Variants in SMIM41 observed in about 807,000 individuals in gnomAD.
The protein encoded by SMIM41 is small integral membrane protein 41.
intron 2 of SMIM41, among the ~76,000 whole-genome samples, chr12:52,100,335 A>G (rs1433590017): frequency 1.3e-5 from 2 of 152,122 alleles, no homozygotes; most frequent in African/African-American, 4.8e-5. Flanking sequence ...TAGACACAAT[A>G]TCACAAAAAG....
intron 2 of SMIM41, among the ~76,000 whole-genome samples, chr12:52,105,114 C>G (rs1411776003): frequency 6.6e-6 from 1 of 152,248 alleles, no homozygotes; most frequent in African/African-American, 2.4e-5. Context: ...TGCATCCAAC[C>G]TGCCCTCTCA....
intron 1 of SMIM41, among the ~76,000 whole-genome samples, chr12:52,080,693 C>T (rs1420328009): frequency 6.6e-6 from 1 of 152,184 alleles, no homozygotes; most frequent in Non-Finnish European, 1.5e-5. Flanking sequence ...CAGCCTTTGG[C>T]CTCAGCTTCC....
chr12:52,093,515 G>C (rs951340745), intron 2 of SMIM41: 11 of 152,132 alleles, frequency 7.2e-5, no homozygotes, highest in Admixed American at 5.9e-4. Flanking sequence ...CAGAGACTGG[G>C]GTCAGTAGGC....
chr12:52,095,560 T>C (rs1229407822), intron 2 of SMIM41, among the ~76,000 whole-genome samples: 1 of 152,094 alleles, frequency 6.6e-6, no homozygotes, highest in Non-Finnish European at 1.5e-5. Flanking sequence ...CCAGCGGCAT[T>C]GGGTGTTGTA....
intron 2 of SMIM41, among the ~76,000 whole-genome samples, chr12:52,097,383 G>T (rs1254847327): frequency 6.6e-6 from 1 of 151,946 alleles, no homozygotes; most frequent in Non-Finnish European, 1.5e-5. Flanking sequence ...CATTGCAGGG[G>T]GGTGGACACC....
intron 2 of SMIM41, among the ~76,000 whole-genome samples, chr12:52,098,789 C>T (rs1223106340): frequency 1.3e-5 from 2 of 151,430 alleles, no homozygotes; most frequent in Admixed American, 6.6e-5. Flanking sequence ...TCCTCTCTTC[C>T]CTTGGATATT....
intron 2 of SMIM41, among the ~76,000 whole-genome samples, 174 bp downstream of exon 2, chr12:52,084,142 G>A (rs1463036046): frequency 2.6e-5 from 4 of 152,102 alleles, no homozygotes; most frequent in African/African-American, 4.8e-5. Flanking sequence ...TTGGGAGGCC[G>A]AGGCAGGTGG....
chr12:52,098,921 A>C (rs1565670093), intron 2 of SMIM41, among the ~76,000 whole-genome samples: 1 of 151,650 alleles, frequency 6.6e-6, no homozygotes, highest in African/African-American at 2.4e-5. Context: ...TGCGATATTG[A>C]GAGTCATATC....
In SMIM41 at chr12:52,079,860, G is replaced by T; in HGVS notation, c.81G>T (p.Glu27Asp). Residue 27 changes from glutamate (E) to aspartate (D), a missense_variant, in exon 1 of 3, where the codon GAG (glutamate) becomes GAT (aspartate). Glu to Asp is a conservative substitution (Grantham distance 45). Transcript: ENST00000546390. ...SCCNQSASPPEPPEGPRAVQA... is the reference protein window; with the variant it reads ...SCCNQSASPPDPPEGPRAVQA... ...GTAACCAGTCGGCGTCGCCGCCGGA[G>T]CCCCCCGAGGGGCCGCGCGCGGTGC... is the stretch of plus-strand genomic sequence containing the variant. The T allele has an allele frequency of 2.5e-6, 1 of 392,406 alleles. No individual in the cohort carries two copies. Among genetic ancestry groups the T allele is most frequent in the South Asian group, 1.3e-4 (1 of 7,838 alleles). The allele number at this position is 392,406 out of a possible 1,614,324, so 24.3% of individuals were successfully genotyped here.
chr12:52,092,636 G>A (rs1352635693), intron 2 of SMIM41: 2 of 152,128 alleles, frequency 1.3e-5, no homozygotes. Context: ...CATCTCATGG[G>A]ACCACCATTC....
intron 2 of SMIM41, among the ~76,000 whole-genome samples, chr12:52,090,239 T>C (rs907810708): frequency 6.6e-6 from 1 of 152,058 alleles, no homozygotes; most frequent in African/African-American, 2.4e-5. Context: ...ACCTGGCTAA[T>C]TTTTTATATT....
chr12:52,104,678 G>A (rs530639991), intron 2 of SMIM41, among the ~76,000 whole-genome samples: 1 of 151,832 alleles, frequency 6.6e-6, no homozygotes, highest in Non-Finnish European at 1.5e-5. Flanking sequence ...ATGGTCGGGG[G>A]GGGGCGGTCT....
At chr12:52,099,621 C>T (rs754302904) in intron 2 of SMIM41, among the ~76,000 whole-genome samples, 3 of 151,988 alleles carry the variant, frequency 2.0e-5, no homozygotes, top group Non-Finnish European at 4.4e-5. Flanking sequence ...GTAGTGATAT[C>T]GTTCCCTCCT....
intron 2 of SMIM41, among the ~76,000 whole-genome samples, chr12:52,105,217 T>C (rs140691854): frequency 0.025 from 3,826 of 152,290 alleles, 59 homozygotes; most frequent in South Asian, 0.074. Context: ...GGTGCCACAA[T>C]CACTGTGTCA....
intron 2 of SMIM41, among the ~76,000 whole-genome samples, chr12:52,103,150 A>AC (rs1940254457): frequency 6.6e-6 from 1 of 151,980 alleles, no homozygotes; most frequent in East Asian, 1.9e-4. Flanking sequence ...TCTTGGTGAA[A>AC]CCCCGTCTCT....
intron 2 of SMIM41, among the ~76,000 whole-genome samples, chr12:52,093,147 G>A (rs943971259): frequency 2.0e-5 from 3 of 152,170 alleles, no homozygotes; most frequent in Non-Finnish European, 4.4e-5. Context: ...GTAGTGAGCT[G>A]AGATCTCACC....
chr12:52,089,655 C>T (rs949742901), intron 2 of SMIM41, among the ~76,000 whole-genome samples: 2 of 151,880 alleles, frequency 1.3e-5, no homozygotes, highest in East Asian at 3.9e-4. Flanking sequence ...GAGAATCCGT[C>T]CTTGCCTCCG....
At chr12:52,103,416 A>C (rs1940261918) in intron 2 of SMIM41, among the ~76,000 whole-genome samples, 1 of 152,074 alleles carries the variant, frequency 6.6e-6, no homozygotes, top group East Asian at 1.9e-4. Context: ...AGGCTGCAAC[A>C]TGGATGAACC....
At chr12:52,095,575 C>A (rs1234351026) in intron 2 of SMIM41, among the ~76,000 whole-genome samples, 1 of 152,112 alleles carries the variant, frequency 6.6e-6, no homozygotes, top group Non-Finnish European at 1.5e-5. Context: ...GTTGTATCAT[C>A]CTCTCCCACG....
Sources: gnomAD v4.1 joint callset for allele counts (sites outside exome capture counted in the v4.1 genomes callset) on GRCh38, gnomAD v4.1.1 for gene constraint, MANE v1.5 for transcripts, NCBI Gene and HGNC (gene_info 2026-07-23, HGNC 2026-07-21) for gene names.